Variants in SYNPR observed in about 807,000 individuals in gnomAD.
The protein encoded by SYNPR is synaptoporin.
SYNPR carries 23 observed loss-of-function variants against 32.9 expected under a neutral mutation model. The observed-to-expected ratio is 0.70, with a 90% CI of 0.50 to 0.99. The LOEUF (loss-of-function observed/expected upper bound fraction) is 0.99. Ranked by LOEUF, SYNPR falls within the 50% of genes least tolerant of loss-of-function variation. The pLI, the probability that SYNPR is intolerant of heterozygous loss-of-function variation, is 0.00. For synonymous variants in SYNPR, 146 were observed against 135.9 expected (o/e 1.07, Z -0.52); for missense variants, 318 against 349.3 (o/e 0.91, Z 0.71).
At chr3:63,370,979 G>A (rs554443159) in intron 2 of SYNPR, among the ~76,000 whole-genome samples, 122 of 152,190 alleles carry the variant, frequency 8.0e-4, no homozygotes, top group African/African-American at 2.9e-3. Context: ...CTGCTCTCAC[G>A]GACAGAAGAA....
chr3:63,257,131 G>C (rs564851059), intron 2 of SYNPR, among the ~76,000 whole-genome samples: 1 of 152,166 alleles, frequency 6.6e-6, no homozygotes, highest in Non-Finnish European at 1.5e-5. Flanking sequence ...ATGGAACCAA[G>C]TTAAAACACT....
intron 4 of SYNPR, 60 bp from the exon 5 acceptor site, chr3:63,609,065 A>G: frequency 2.0e-6 from 3 of 1,516,166 alleles, no homozygotes; most frequent in Non-Finnish European, 2.7e-6. Flanking sequence ...TAAACAAATC[A>G]ACTTGTTTCT....
At chr3:63,286,892 A>G (rs186162707) in intron 2 of SYNPR, among the ~76,000 whole-genome samples, 2 of 152,326 alleles carry the variant, frequency 1.3e-5, no homozygotes, top group Admixed American at 1.3e-4. Context: ...GATAATTGTG[A>G]CCATGATGAT....
intron 4 of SYNPR, among the ~76,000 whole-genome samples, chr3:63,578,244 C>T (rs1305564506): frequency 1.3e-5 from 2 of 152,110 alleles, no homozygotes; most frequent in African/African-American, 2.4e-5. Flanking sequence ...TCTGGCTCAA[C>T]CATTTACAAG....
intron 2 of SYNPR, among the ~76,000 whole-genome samples, chr3:63,378,987 G>C (rs1194613010): frequency 2.6e-5 from 4 of 152,090 alleles, no homozygotes; most frequent in Non-Finnish European, 5.9e-5. Context: ...TTTACACATT[G>C]TGATAATGTG....
chr3:63,206,759 A>G, the SYNPR span, among the ~76,000 whole-genome samples: 1 of 152,156 alleles, frequency 6.6e-6, no homozygotes, highest in Non-Finnish European at 1.5e-5. Flanking sequence ...CCTTGTGTGG[A>G]CAGCATAACA....
rs181149915 is a variant in SYNPR, at chr3:63,616,488, G to A, written c.*1007G>A. 6 of 152,544 alleles carry A rather than the reference G, an allele frequency of 3.9e-5. No individual in the cohort carries two copies. The highest frequency in any genetic ancestry group is 3.9e-4 in the Admixed American group (6 of 15,280). 9.4% of individuals were successfully genotyped at this position (152,544 alleles called of 1,614,324 possible). ...ACTACCAGCTATATTTTTAAATCCT[G>A]TTTATTTGTAAAGCTAATATGCTCC... On this transcript the variant is annotated 3_prime_UTR_variant, in exon 6 of 6. Transcript: ENST00000478300.
the SYNPR span, among the ~76,000 whole-genome samples, chr3:63,220,704 G>A: frequency 6.6e-6 from 1 of 152,102 alleles, no homozygotes; most frequent in Non-Finnish European, 1.5e-5. Flanking sequence ...CATAGAACCA[G>A]CCTCATTGCA....
At chr3:63,407,010 G>A (rs754733801) in intron 2 of SYNPR, among the ~76,000 whole-genome samples, 3 of 152,132 alleles carry the variant, frequency 2.0e-5, no homozygotes, top group African/African-American at 4.8e-5. Context: ...GAGTTCATGC[G>A]CTACTTGTCC....
chr3:63,371,975 C>T (rs1195763637), intron 2 of SYNPR, among the ~76,000 whole-genome samples: 1 of 152,110 alleles, frequency 6.6e-6, no homozygotes, highest in Non-Finnish European at 1.5e-5. Flanking sequence ...AGTCTCTCTT[C>T]CCTGCAAGCC....
chr3:63,304,451 AGC>A, intron 2 of SYNPR, among the ~76,000 whole-genome samples: 1 of 151,902 alleles, frequency 6.6e-6, no homozygotes, highest in Non-Finnish European at 1.5e-5. Flanking sequence ...AATTGCTATG[AGC>A]AAAAGAGAGA....
At chr3:63,514,501 T>C (rs77171892) in intron 3 of SYNPR, among the ~76,000 whole-genome samples, 10,564 of 152,266 alleles carry the variant, frequency 0.069, 479 homozygotes, top group Non-Finnish European at 0.1. Flanking sequence ...TTTGCTTTCC[T>C]GGGTTTCTCT....
intron 1 of SYNPR, among the ~76,000 whole-genome samples, chr3:63,239,472 G>C (rs2106879425): frequency 6.7e-6 from 1 of 150,036 alleles, no homozygotes; most frequent in East Asian, 2.1e-4. Context: ...TGGTAGAATG[G>C]GCACATGACA....
chr3:63,504,364 G>A (rs1256381081), intron 3 of SYNPR, among the ~76,000 whole-genome samples: 1 of 152,108 alleles, frequency 6.6e-6, no homozygotes, highest in Non-Finnish European at 1.5e-5. Context: ...ACTTGCTTTA[G>A]CTTAGAACTG....
intron 2 of SYNPR, among the ~76,000 whole-genome samples, chr3:63,459,660 C>A (rs747464572): frequency 7.9e-5 from 12 of 152,044 alleles, no homozygotes; most frequent in Non-Finnish European, 1.8e-4. Flanking sequence ...ATTTAATCAT[C>A]CCCTTTGTGA....
At chr3:63,353,187 G>A in intron 2 of SYNPR, among the ~76,000 whole-genome samples, 1 of 152,226 alleles carries the variant, frequency 6.6e-6, no homozygotes, top group African/African-American at 2.4e-5. Context: ...CAAGTGCCAG[G>A]CAGTGTGCAA....
At chr3:63,363,700 C>T (rs1215589065) in intron 2 of SYNPR, among the ~76,000 whole-genome samples, 1 of 152,158 alleles carries the variant, frequency 6.6e-6, no homozygotes, top group Non-Finnish European at 1.5e-5. Flanking sequence ...GTTCTTTACT[C>T]ATGTGGTAAT....
chr3:63,261,570 G>A (rs1433741316), intron 2 of SYNPR, among the ~76,000 whole-genome samples: 2 of 99,134 alleles, frequency 2.0e-5, no homozygotes, highest in African/African-American at 8.0e-5. Flanking sequence ...CTGTCATGGG[G>A]TGGGGGGAGG....
chr3:63,387,812 G>T (rs1182657309), intron 2 of SYNPR, among the ~76,000 whole-genome samples: 2 of 152,182 alleles, frequency 1.3e-5, no homozygotes, highest in Non-Finnish European at 2.9e-5. Context: ...AAGTGCGGGA[G>T]AATTGGGTGG....
Sources: allele counts gnomAD v4.1 joint callset (sites outside exome capture counted in the v4.1 genomes callset), GRCh38; gene constraint gnomAD v4.1.1; transcripts MANE v1.5; gene names NCBI Gene and HGNC (gene_info 2026-07-23, HGNC 2026-07-21).